ZNRF1: variants seen among roughly 807,000 people sequenced by gnomAD.
ZNRF1 encodes E3 ubiquitin-protein ligase ZNRF1.
Under a neutral mutation model 18.4 loss-of-function variants are expected in ZNRF1, and 3 were observed. The observed-to-expected ratio is 0.16, with a 90% CI of 0.07 to 0.42. The LOEUF (loss-of-function observed/expected upper bound fraction) is 0.42. Ranked by LOEUF, ZNRF1 falls within the 10% of genes least tolerant of loss-of-function variation. ZNRF1 has a pLI of 0.99. For synonymous variants in ZNRF1, 157 were observed against 144.2 expected (o/e 1.09, Z -0.64); for missense variants, 310 against 329.8 (o/e 0.94, Z 0.47).
intron 1 of ZNRF1, 118 bp from the exon 2 acceptor site, chr16:75,093,454 G>A (rs1443372927): frequency 1.4e-6 from 1 of 721,482 alleles, no homozygotes; most frequent in Non-Finnish European, 2.5e-6. Flanking sequence ...GGTCTGTTCT[G>A]ATGGTCATCC....
chr16:75,065,602 C>T (rs1265144242), intron 1 of ZNRF1, among the ~76,000 whole-genome samples: 1 of 152,182 alleles, frequency 6.6e-6, no homozygotes, highest in Non-Finnish European at 1.5e-5. Flanking sequence ...CCTTCTTCTG[C>T]CCTGGTCTCC....
In ZNRF1 at chr16:75,078,296, C is replaced by CTTTTT. The variant is rs36075131; in HGVS notation, c.425-15258_425-15254dup. ...TCTCTTCCATACATTTCTTTCTTTCCTTTTTTTTTTTTTTTTTTTTTTGAC... is the reference window on the plus strand; with the variant it reads ...TCTCTTCCATACATTTCTTTCTTTCCTTTTTTTTTTTTTTTTTTTTTTTTTTTGAC... On this transcript the variant is annotated intron_variant, in intron 1 of 4. Coordinates refer to ENST00000335325, the MANE Select transcript of ZNRF1 (RefSeq NM_032268.5). Among the ~76,000 whole-genome samples the CTTTTT allele has an allele frequency of 2.7e-4, 31 of 113,128 alleles. 1 individual carries two copies. Among genetic ancestry groups the CTTTTT allele is most frequent in the South Asian group, 8.4e-4 (3 of 3,556 alleles). 74.2% of individuals were successfully genotyped at this position (113,128 alleles called of 152,430 possible). A position where few individuals can be genotyped will look rare whatever the true frequency, so the allele number is the denominator to read the frequency against.
intron 1 of ZNRF1, among the ~76,000 whole-genome samples, chr16:75,041,471 G>A (rs1311724006): frequency 4.0e-5 from 6 of 151,868 alleles, no homozygotes; most frequent in African/African-American, 1.5e-4. Context: ...CTGGGACTAC[G>A]TGTGCATGCC....
At chr16:75,070,404 C>G (rs2035856170) in intron 1 of ZNRF1, among the ~76,000 whole-genome samples, 1 of 152,224 alleles carries the variant, frequency 6.6e-6, no homozygotes, top group African/African-American at 2.4e-5. Flanking sequence ...CACCTCTGAA[C>G]TGTTCAACAG....
intron 3 of ZNRF1, chr16:75,106,099 G>A (rs909809182): frequency 2.6e-5 from 5 of 193,956 alleles, no homozygotes; most frequent in African/African-American, 1.2e-4. Flanking sequence ...CCACTTCCCT[G>A]CCCTTGGGAG....
chr16:75,102,095 G>T (rs1388475555), intron 2 of ZNRF1, among the ~76,000 whole-genome samples: 1 of 152,198 alleles, frequency 6.6e-6, no homozygotes, highest in Non-Finnish European at 1.5e-5. Context: ...CTTAAGGATC[G>T]AATCGGTTCC....
intron 1 of ZNRF1, among the ~76,000 whole-genome samples, chr16:75,085,842 G>GTA (rs2036067894): frequency 1.3e-5 from 2 of 151,942 alleles, no homozygotes; most frequent in South Asian, 4.2e-4. Flanking sequence ...GTGTGTGTGT[G>GTA]TAGAGATTTA....
intron 1 of ZNRF1, among the ~76,000 whole-genome samples, chr16:75,053,195 A>C (rs1230390178): frequency 6.6e-6 from 1 of 152,170 alleles, no homozygotes; most frequent in Non-Finnish European, 1.5e-5. Flanking sequence ...CTAGAACCTT[A>C]AAGTTAAACA....
rs766422064 is a variant in ZNRF1 at position 75,101,337 on chromosome 16, C to T, written c.521-3447C>T. Among the ~76,000 whole-genome samples, 10 of 152,170 alleles carry T rather than the reference C, an allele frequency of 6.6e-5. No individual in the cohort carries two copies. The South Asian group carries it at 1.0e-3, about 16-fold the overall frequency. The stretch of plus-strand genomic sequence containing the variant: ...TTGGGAGGCCGAGGTAGGTGGATCA[C>T]GAGGTCAAGAGATCAAGACCATCCT... On this transcript the variant is annotated intron_variant, in intron 2 of 4. Coordinates refer to ENST00000335325, the MANE Select transcript of ZNRF1 (RefSeq NM_032268.5).
intron 2 of ZNRF1, chr16:75,095,718 G>C (rs2036189973): frequency 6.5e-7 from 1 of 1,547,348 alleles, no homozygotes; most frequent in African/African-American, 1.4e-5. Flanking sequence ...CAAATGCAGA[G>C]TTACCCCCAC....
At position 75,037,921 on chromosome 16, in the gene ZNRF1, A is replaced by G. The variant is rs148230045; in HGVS notation, c.424+37826A>G. On this transcript the variant is annotated intron_variant, in intron 1 of 4. Coordinates refer to ENST00000335325, the MANE Select transcript of ZNRF1 (RefSeq NM_032268.5). ...TTTGCTGACAAATGTGGAAAAGTCT[A>G]TGATGAGGAAGTGGATTGGATCTTG... is the stretch of plus-strand genomic sequence containing the variant. 3.9e-4 allele frequency among the ~76,000 whole-genome samples: 60 copies of G among 152,296 alleles called. No homozygotes were observed. In the East Asian group the frequency reaches 7.7e-3, roughly 20 times the overall value.
At chr16:75,064,136 CA>C (rs1187501964) in intron 1 of ZNRF1, among the ~76,000 whole-genome samples, 1 of 150,642 alleles carries the variant, frequency 6.6e-6, no homozygotes, top group Non-Finnish European at 1.5e-5. Flanking sequence ...CCATCTCTAC[CA>C]AAAATACAAA....
intron 2 of ZNRF1, among the ~76,000 whole-genome samples, chr16:75,099,832 G>C (rs2036236313): frequency 6.6e-6 from 1 of 152,188 alleles, no homozygotes; most frequent in Non-Finnish European, 1.5e-5. Flanking sequence ...GCTTCTGGAA[G>C]TCTTGTAGGA....
At chr16:75,107,205 C>T (rs2036327406) in intron 4 of ZNRF1, 1 of 175,496 alleles carries the variant, frequency 5.7e-6, no homozygotes, top group African/African-American at 2.4e-5. Context: ...CATTTCTCCC[C>T]CAGGGGTACC....
Position 75,106,625 on chromosome 16 carries a change from T to G in ZNRF1, c.*32+54T>G, listed in dbSNP as rs2036319538. 2.0e-6 allele frequency: 3 copies of G among 1,505,424 alleles called. No individual in the cohort carries two copies. The African/African-American group carries it at 4.1e-5, about 21-fold the overall frequency. The allele number at this position is 1,505,424 out of a possible 1,614,324, so 93.3% of individuals were successfully genotyped here. A position where few individuals can be genotyped will look rare whatever the true frequency, so the allele number is the denominator to read the frequency against. ...CTCAAGGCTTGGGGTCAGGTCACTT[T>G]GGGGGCCTGCAGTTTAGGGAGCCGG... On this transcript the variant is annotated intron_variant, in intron 4 of 4. Coordinates refer to ENST00000335325, the MANE Select transcript of ZNRF1 (RefSeq NM_032268.5).
chr16:75,074,033 A>T (rs1471015864), intron 1 of ZNRF1, among the ~76,000 whole-genome samples: 3 of 152,130 alleles, frequency 2.0e-5, no homozygotes, highest in Admixed American at 6.5e-5. Context: ...GAGCAGAGAT[A>T]AAGATTGGGA....
At chr16:75,093,509 C>T (rs1205168692) in intron 1 of ZNRF1, 63 bp from the exon 2 acceptor site, 1 of 1,322,452 alleles carries the variant, frequency 7.6e-7, no homozygotes, top group Non-Finnish European at 1.1e-6. Context: ...CGAGAGTGTC[C>T]ACATGTACTG....
chr16:75,037,527 CGG>C (rs1253154574), intron 1 of ZNRF1, among the ~76,000 whole-genome samples: 1 of 151,930 alleles, frequency 6.6e-6, no homozygotes, highest in Non-Finnish European at 1.5e-5. Context: ...TTAGTATAGA[CGG>C]GGTTTCACCA....
chr16:75,093,710 G>A (rs201560094), intron 2 of ZNRF1, 43 bp downstream of exon 2: 341 of 1,536,464 alleles, frequency 2.2e-4, no homozygotes, highest in Non-Finnish European at 2.5e-4. Context: ...AGCATCCGTC[G>A]GGGGAGCCGG....
Sources: allele counts gnomAD v4.1 joint callset (sites outside exome capture counted in the v4.1 genomes callset), GRCh38; gene constraint gnomAD v4.1.1; transcripts MANE v1.5; gene names NCBI Gene and HGNC (gene_info 2026-07-23, HGNC 2026-07-21).